CA6: variants seen among roughly 807,000 people sequenced by gnomAD.
The protein encoded by CA6 is carbonate dehydratase VI.
Under a neutral mutation model 35.9 loss-of-function variants are expected in CA6, and 28 were observed. The ratio of observed to expected loss-of-function variants is 0.78; its 90% CI spans 0.58 to 1.07. CA6 has a LOEUF of 1.07. Ranked by LOEUF, CA6 falls within the 50% of genes least tolerant of loss-of-function variation. CA6 has a pLI of 0.00. For synonymous variants in CA6, 148 were observed against 152.6 expected, an observed-to-expected ratio of 0.97 and a Z score of 0.22; for missense variants, 377 against 382.0, an observed-to-expected ratio of 0.99 and a Z score of 0.11.
At chr1:8,946,885 C>A (rs527613585) in intron 1 of CA6, among the ~76,000 whole-genome samples, 34 of 150,004 alleles carry the variant, frequency 2.3e-4, no homozygotes, top group Admixed American at 8.1e-4. Flanking sequence ...CTTACTGCAA[C>A]CTCTGCCTCC....
chr1:8,961,934 G>C (rs1639851720), intron 4 of CA6, among the ~76,000 whole-genome samples: 1 of 152,110 alleles, frequency 6.6e-6, no homozygotes, highest in South Asian at 2.1e-4. Flanking sequence ...GACTGTGGCT[G>C]ACACTGCCCA....
intron 5 of CA6, among the ~76,000 whole-genome samples, chr1:8,964,663 C>T (rs1294369517): frequency 6.6e-6 from 1 of 152,178 alleles, no homozygotes; most frequent in Non-Finnish European, 1.5e-5. Context: ...TTACCATTCC[C>T]CAGCTTCCCC....
At chr1:8,969,377 G>T (rs573803557) in intron 6 of CA6, among the ~76,000 whole-genome samples, 22 of 151,930 alleles carry the variant, frequency 1.4e-4, no homozygotes, top group Non-Finnish European at 2.2e-4. Flanking sequence ...GTTTGAGAGA[G>T]AATTAGTAAA....
intron 7 of CA6, among the ~76,000 whole-genome samples, chr1:8,971,334 CAG>C (rs1421437657): frequency 7.2e-6 from 1 of 138,354 alleles, no homozygotes; most frequent in Non-Finnish European, 1.5e-5. Context: ...TTTTTTGAGA[CAG>C]AGTCTCACTC....
intron 7 of CA6, chr1:8,974,357 CG>C (rs753401957): frequency 4.6e-5 from 70 of 1,519,642 alleles, no homozygotes; most frequent in Non-Finnish European, 5.4e-5. Flanking sequence ...GCAAGGGCCA[CG>C]GGGGGCATCG....
chr1:8,974,579 T>C, intron 7 of CA6, 43 bp from the exon 8 acceptor site: 2 of 1,478,258 alleles, frequency 1.4e-6, no homozygotes, highest in South Asian at 1.2e-5. Context: ...TTGTGAGGAC[T>C]GTACAAGGTT....
intron 2 of CA6, among the ~76,000 whole-genome samples, chr1:8,952,982 T>C (rs760835819): frequency 3.0e-4 from 45 of 152,334 alleles, no homozygotes; most frequent in Non-Finnish European, 5.7e-4. Context: ...TCTAATCACA[T>C]GTATCGAGCA....
intron 2 of CA6, chr1:8,951,753 C>T (rs753462546): frequency 1.4e-6 from 1 of 729,988 alleles, no homozygotes; most frequent in East Asian, 2.5e-5. Context: ...TTGGGGTTCT[C>T]ACCTCACACG....
intron 3 of CA6, among the ~76,000 whole-genome samples, chr1:8,958,103 C>T (rs1365811159): frequency 6.6e-6 from 1 of 152,180 alleles, no homozygotes; most frequent in African/African-American, 2.4e-5. Context: ...GTTGGCAGGA[C>T]TTCACAGCCC....
chr1:8,958,393 C>T (rs558091273), intron 3 of CA6, among the ~76,000 whole-genome samples: 19 of 152,150 alleles, frequency 1.2e-4, no homozygotes, highest in Non-Finnish European at 2.6e-4. Context: ...GTCTCAAACT[C>T]CTGACCTCAA....
intron 7 of CA6, among the ~76,000 whole-genome samples, chr1:8,973,698 T>C (rs563839643): frequency 6.6e-5 from 8 of 121,528 alleles, no homozygotes; most frequent in African/African-American, 2.6e-4. Flanking sequence ...AGGCCTGGAT[T>C]TTTCTTTCTC....
Position 8,949,351 on chromosome 1 carries a change from G to A in CA6, c.168G>A (p.Lys56=), listed in dbSNP as rs1165927484. 1 of 1,613,190 alleles carries A rather than the reference G, an allele frequency of 6.2e-7. No homozygotes were observed. Among genetic ancestry groups the A allele is most frequent in the African/African-American group, 1.3e-5 (1 of 74,794 alleles). ...RQSPINLQRT[K]VRYNPSLKGL... ...CGCCTATCAACCTACAGAGGACGAA[G>A]GTGCGGTACAACCCCTCCTTGAAGG... is the stretch of plus-strand genomic sequence containing the variant. The change falls in exon 2 of 8, where the codon AAG becomes AAA. Residue 56 remains lysine, a synonymous_variant. Transcript: ENST00000377443.
chr1:8,970,366 G>A (rs566885301), intron 6 of CA6, among the ~76,000 whole-genome samples: 4 of 152,210 alleles, frequency 2.6e-5, no homozygotes, highest in African/African-American at 9.6e-5. Flanking sequence ...GCAGATACCT[G>A]TTGGAAGAAT....
At chr1:8,952,808 C>T (rs1162319287) in intron 2 of CA6, among the ~76,000 whole-genome samples, 1 of 152,040 alleles carries the variant, frequency 6.6e-6, no homozygotes, top group Non-Finnish European at 1.5e-5. Flanking sequence ...AGGCATGTGC[C>T]ACCACGCCTG....
At chr1:8,967,961 AC>A in intron 6 of CA6, 145 bp downstream of exon 6, 1 of 461,454 alleles carries the variant, frequency 2.2e-6, no homozygotes, top group Non-Finnish European at 3.5e-6. Flanking sequence ...CGTCTAGCCA[AC>A]CTTTTTTTTT....
At chr1:8,962,748 G>A (rs1639873730) in intron 5 of CA6, 92 bp downstream of exon 5, 2 of 1,099,168 alleles carry the variant, frequency 1.8e-6, no homozygotes, top group Admixed American at 1.7e-5. Flanking sequence ...ATTGATGCTG[G>A]TGGGGAGGGT....
At chr1:8,947,850 C>CTTTTTTTTTTTT (rs527410056) in intron 1 of CA6, among the ~76,000 whole-genome samples, 1 of 140,594 alleles carries the variant, frequency 7.1e-6, no homozygotes, top group African/African-American at 2.7e-5. Context: ...GTACAGACAC[C>CTTTTTTTTTTTT]TTTTTTTTTT....
intron 6 of CA6, among the ~76,000 whole-genome samples, chr1:8,969,081 CA>C (rs1175611670): frequency 2.0e-5 from 3 of 149,948 alleles, no homozygotes; most frequent in Non-Finnish European, 4.4e-5. Flanking sequence ...TTTGGGACGC[CA>C]AAGCGGGTGG....
chr1:8,951,861 C>G (rs1639545804), intron 2 of CA6: 1 of 257,198 alleles, frequency 3.9e-6, no homozygotes, highest in African/African-American at 2.2e-5. Context: ...GCTCTGTCAC[C>G]CCGGCTGGAG....
Sources: allele counts gnomAD v4.1 joint callset (sites outside exome capture counted in the v4.1 genomes callset), GRCh38; gene constraint gnomAD v4.1.1; transcripts MANE v1.5; gene names NCBI Gene and HGNC (gene_info 2026-07-23, HGNC 2026-07-21).